SOX6: variants seen among roughly 807,000 people sequenced by gnomAD.
SOX6 encodes SRY-box transcription factor 6.
A neutral mutation model predicts 97.8 loss-of-function variants in SOX6; 11 were observed. The observed-to-expected ratio is 0.11, with a 90% CI of 0.07 to 0.19. The LOEUF (loss-of-function observed/expected upper bound fraction) is 0.19. Among genes scored for constraint, SOX6 ranks in the 10% least tolerant of loss-of-function variants. The pLI is 1.00. For synonymous variants in SOX6, 360 were observed against 371.4 expected, an observed-to-expected ratio of 0.97 and a Z score of 0.35; for missense variants, 810 against 1,039.5, an observed-to-expected ratio of 0.78 and a Z score of 3.04.
intron 1 of SOX6, among the ~76,000 whole-genome samples, chr11:16,388,056 T>C (rs1858044984): frequency 2.6e-5 from 4 of 152,176 alleles, no homozygotes; most frequent in Admixed American, 2.6e-4. Context: ...CACCATCAAA[T>C]ATGATGTTAG....
intron 13 of SOX6, among the ~76,000 whole-genome samples, chr11:16,006,448 G>C (rs1325449428): frequency 6.6e-6 from 1 of 152,094 alleles, no homozygotes; most frequent in Non-Finnish European, 1.5e-5. Flanking sequence ...GCAAGGCTTT[G>C]TGTTGGGCTT....
At chr11:16,446,205 T>C (rs1859607430) in intron 1 of SOX6, among the ~76,000 whole-genome samples, 1 of 150,182 alleles carries the variant, frequency 6.7e-6, no homozygotes, top group African/African-American at 2.5e-5. Context: ...GAATGCAAAA[T>C]GAAGGGGCAA....
intron 1 of SOX6, among the ~76,000 whole-genome samples, chr11:16,390,997 G>T (rs1307834003): frequency 6.6e-6 from 1 of 152,154 alleles, no homozygotes; most frequent in Non-Finnish European, 1.5e-5. Flanking sequence ...ATACACCATG[G>T]AATACTATGC....
chr11:16,183,755 CACA>C, intron 6 of SOX6, 128 bp downstream of exon 6: 1 of 754,812 alleles, frequency 1.3e-6, no homozygotes, highest in Non-Finnish European at 2.3e-6. Flanking sequence ...TAGAATTGTG[CACA>C]ACATCCTTGA....
intron 4 of SOX6, among the ~76,000 whole-genome samples, chr11:16,537,290 G>T (rs973196551): frequency 6.6e-6 from 1 of 152,114 alleles, no homozygotes; most frequent in Admixed American, 6.5e-5. Flanking sequence ...TCAACAAAAG[G>T]ACATCCAAAC....
chr11:16,078,962 A>G (rs1848415539), intron 9 of SOX6, among the ~76,000 whole-genome samples: 3 of 152,186 alleles, frequency 2.0e-5, no homozygotes, highest in Non-Finnish European at 2.9e-5. Flanking sequence ...TGTCAGAAAG[A>G]TAGCAATGGG....
At chr11:16,333,080 CAAAT>C (rs1856356045) in intron 2 of SOX6, among the ~76,000 whole-genome samples, 1 of 152,110 alleles carries the variant, frequency 6.6e-6, no homozygotes, top group African/African-American at 2.4e-5. Context: ...CATCTTCAAA[CAAAT>C]GATGCAAGTA....
chr11:16,003,834 G>A (rs1323376277), intron 13 of SOX6, among the ~76,000 whole-genome samples: 1 of 151,966 alleles, frequency 6.6e-6, no homozygotes, highest in Admixed American at 6.6e-5. Flanking sequence ...GTGGGACTCA[G>A]AGATTATTGG....
At chr11:16,313,232 A>T (rs11023910) in intron 3 of SOX6, 25,579 of 152,142 alleles carry the variant, frequency 0.17, 2,644 homozygotes, top group Admixed American at 0.29. Flanking sequence ...TTGTTTCATC[A>T]TGCAAATATA....
At chr11:16,279,006 C>T (rs1368665494) in intron 3 of SOX6, among the ~76,000 whole-genome samples, 3 of 152,068 alleles carry the variant, frequency 2.0e-5, no homozygotes, top group Non-Finnish European at 4.4e-5. Context: ...AGCAAAAACA[C>T]TAAAAAGCTT....
intron 3 of SOX6, among the ~76,000 whole-genome samples, chr11:16,294,801 A>G (rs766842952): frequency 6.6e-6 from 1 of 152,092 alleles, no homozygotes; most frequent in Non-Finnish European, 1.5e-5. Context: ...TGAATTGTTT[A>G]AGGGGATTTA....
rs186813013 is a variant in SOX6, at chr11:16,460,121, G to A, written c.-5+16194C>T. On this transcript the variant is annotated intron_variant, in intron 1 of 15. Transcript: ENST00000396356. ...ACATATATAAGAATTACAGCAGACTGATTTTTGAAAATAATGCAAACTAAA... is the reference window on the plus strand; with the variant it reads ...ACATATATAAGAATTACAGCAGACTAATTTTTGAAAATAATGCAAACTAAA... Among the ~76,000 whole-genome samples the A allele has an allele frequency of 3.1e-3, 473 of 152,038 alleles. 5 individuals are homozygous for A. Among genetic ancestry groups the A allele is most frequent in the Non-Finnish European group, 2.3e-3 (158 of 67,914 alleles).
At chr11:16,630,251 T>C (rs186637897) in intron 3 of SOX6, among the ~76,000 whole-genome samples, 9 of 152,322 alleles carry the variant, frequency 5.9e-5, no homozygotes, top group Non-Finnish European at 1.2e-4. Flanking sequence ...CTTTCAACAT[T>C]GCTTTTACTG....
At chr11:16,553,272 C>G (rs1338326145) in intron 4 of SOX6, among the ~76,000 whole-genome samples, 1 of 152,174 alleles carries the variant, frequency 6.6e-6, no homozygotes, top group Non-Finnish European at 1.5e-5. Flanking sequence ...AGCAGGCTAA[C>G]TCATAGGCTG....
At chr11:16,254,826 G>C (rs946939233) in intron 3 of SOX6, among the ~76,000 whole-genome samples, 6 of 151,810 alleles carry the variant, frequency 4.0e-5, no homozygotes, top group African/African-American at 1.2e-4. Flanking sequence ...TCTAAAAACA[G>C]AGATTGTCAG....
At chr11:16,258,957 C>T (rs1053136989) in intron 3 of SOX6, among the ~76,000 whole-genome samples, 3 of 148,322 alleles carry the variant, frequency 2.0e-5, no homozygotes, top group Admixed American at 6.8e-5. Flanking sequence ...ACTTTGCACT[C>T]TATTTTTTGT....
intron 3 of SOX6, among the ~76,000 whole-genome samples, chr11:16,663,539 T>C (rs901291409): frequency 6.6e-6 from 1 of 152,142 alleles, no homozygotes; most frequent in African/African-American, 2.4e-5. Context: ...CCCAGGCTGG[T>C]CTCAAATGCC....
intron 1 of SOX6, among the ~76,000 whole-genome samples, chr11:16,444,038 C>T (rs1319405656): frequency 6.6e-6 from 1 of 150,850 alleles, no homozygotes; most frequent in Admixed American, 6.6e-5. Flanking sequence ...AAAATTGCCC[C>T]GACCTTTTTT....
intron 1 of SOX6, among the ~76,000 whole-genome samples, chr11:16,432,672 C>T (rs1049836503): frequency 8.6e-5 from 13 of 151,910 alleles, no homozygotes; most frequent in Non-Finnish European, 1.8e-4. Flanking sequence ...AATGAAGATT[C>T]CTGGGCATCT....
Sources: allele counts gnomAD v4.1 joint callset (sites outside exome capture counted in the v4.1 genomes callset), GRCh38; gene constraint gnomAD v4.1.1; transcripts MANE v1.5; gene names NCBI Gene and HGNC (gene_info 2026-07-23, HGNC 2026-07-21).